Variants in COL23A1 observed in about 807,000 individuals in gnomAD.
The protein encoded by COL23A1 is collagen alpha-1(XXIII) chain.
In COL23A1, 97 loss-of-function variants were observed where a neutral mutation model predicts 99.3. The ratio of observed to expected loss-of-function variants is 0.98; its 90% CI spans 0.83 to 1.16. COL23A1 has a LOEUF of 1.16. Ranked by LOEUF, COL23A1 falls within the 50% of genes most tolerant of loss-of-function variation. The pLI, the probability that COL23A1 is intolerant of heterozygous loss-of-function variation, is 0.00. For synonymous variants in COL23A1, 320 were observed against 308.2 expected, an observed-to-expected ratio of 1.04 and a Z score of -0.40; for missense variants, 762 against 757.4, an observed-to-expected ratio of 1.01 and a Z score of -0.07.
At chr5:178,356,439 G>T (rs1761657443) in intron 2 of COL23A1, among the ~76,000 whole-genome samples, 1 of 152,130 alleles carries the variant, frequency 6.6e-6, no homozygotes, top group South Asian at 2.1e-4. Context: ...AAAAGAGGGG[G>T]CATTTGTTTG....
In COL23A1 at chr5:178,549,589, GC is replaced by G. The variant is rs1761895753; in HGVS notation, c.361+11092del. 2.0e-5 allele frequency among the ~76,000 whole-genome samples: 3 copies of G among 152,028 alleles called. No individual in the cohort carries two copies. In the South Asian group the frequency reaches 6.2e-4, roughly 32 times the overall value. On this transcript the variant is annotated intron_variant, in intron 2 of 28. Transcript: ENST00000390654. ...CCATCACTTTGGGAGGCTGAGGTGGGCAGATCACCTGAGGTCAGGAGTTTGA... is the reference window on the plus strand; with the variant it reads ...CCATCACTTTGGGAGGCTGAGGTGGGAGATCACCTGAGGTCAGGAGTTTGA...
At chr5:178,287,965 G>A (rs1047030097) in intron 5 of COL23A1, among the ~76,000 whole-genome samples, 8 of 152,222 alleles carry the variant, frequency 5.3e-5, no homozygotes, top group Non-Finnish European at 8.8e-5. Flanking sequence ...GAGGAGCGGT[G>A]GCTGGGACAG....
chr5:178,503,998 T>C (rs1758724952), intron 2 of COL23A1, among the ~76,000 whole-genome samples: 1 of 152,122 alleles, frequency 6.6e-6, no homozygotes, highest in Non-Finnish European at 1.5e-5. Flanking sequence ...TTGGACACTA[T>C]CTTTTGTATG....
intron 2 of COL23A1, among the ~76,000 whole-genome samples, chr5:178,416,327 T>TGGCC (rs1419083937): frequency 2.0e-5 from 3 of 152,324 alleles, no homozygotes; most frequent in East Asian, 3.9e-4. Flanking sequence ...GCCCTGCAGC[T>TGGCC]GGCCTGCCTC....
Position 178,439,202 on chromosome 5 carries a change from T to C in COL23A1, c.361+121480A>G, listed in dbSNP as rs1411185807. On this transcript the variant is annotated intron_variant, in intron 2 of 28. Transcript: ENST00000390654. This position sits in a 1 kb window ranked among gnomAD's most constrained non-coding sequence, Gnocchi z 4.2. ...TGGGAACCTTCTGAAGGGATGTGAC[T>C]GCTGATCTGGCCATGCATGATGCAT... 6.6e-6 allele frequency: 1 copy of C among 152,208 alleles called. No individual in the cohort carries two copies. The allele number at this position is 152,208 out of a possible 1,614,324, so 9.4% of individuals were successfully genotyped here.
intron 5 of COL23A1, among the ~76,000 whole-genome samples, chr5:178,282,089 C>T (rs1242594938): frequency 7.1e-6 from 1 of 141,276 alleles, no homozygotes; most frequent in African/African-American, 2.6e-5. Context: ...TGCCATATTG[C>T]CCAGGCTGAG....
chr5:178,276,767 G>C (rs1756606941), intron 5 of COL23A1, among the ~76,000 whole-genome samples: 1 of 152,210 alleles, frequency 6.6e-6, no homozygotes, highest in Non-Finnish European at 1.5e-5. Flanking sequence ...CTCAAAGTTA[G>C]GTTCAGCCCA....
At chr5:178,391,917 C>A (rs573682472) in intron 2 of COL23A1, among the ~76,000 whole-genome samples, 8 of 152,094 alleles carry the variant, frequency 5.3e-5, no homozygotes, top group African/African-American at 1.9e-4. Context: ...AGTACTGACA[C>A]CGGGATGAAC....
intron 2 of COL23A1, among the ~76,000 whole-genome samples, chr5:178,426,899 A>G (rs1444796779): frequency 1.3e-5 from 2 of 152,220 alleles, no homozygotes; most frequent in Non-Finnish European, 2.9e-5. Context: ...GGAAGTGCAG[A>G]TCCAAAATAA....
chr5:178,463,601 C>T (rs1168184860), intron 2 of COL23A1, among the ~76,000 whole-genome samples: 1 of 152,170 alleles, frequency 6.6e-6, no homozygotes, highest in Non-Finnish European at 1.5e-5. Flanking sequence ...CTCTGCTTTG[C>T]CGATGAGGAT....
chr5:178,453,885 T>C (rs1323841357), intron 2 of COL23A1, among the ~76,000 whole-genome samples: 1 of 152,194 alleles, frequency 6.6e-6, no homozygotes, highest in Non-Finnish European at 1.5e-5. Flanking sequence ...AGACCAGAGA[T>C]ATTAACATAA....
In COL23A1 at chr5:178,504,928, G is replaced by GGC. The variant is rs575451260; in HGVS notation, c.361+55752_361+55753dup. Among the ~76,000 whole-genome samples the GGC allele has an allele frequency of 7.2e-5, 11 of 152,308 alleles. No homozygotes were observed. In the South Asian group the frequency reaches 2.3e-3, roughly 32 times the overall value. ...TCAAAGCACCTTAAAATGAGAGGCA[G>GGC]GCCTGACAACTACAAGATGGCCCCA... On this transcript the variant is annotated intron_variant, in intron 2 of 28. Coordinates refer to ENST00000390654, the MANE Select transcript of COL23A1 (RefSeq NM_173465.4).
chr5:178,282,487 T>C (rs557605992), intron 5 of COL23A1, among the ~76,000 whole-genome samples: 1 of 152,308 alleles, frequency 6.6e-6, no homozygotes, highest in Admixed American at 6.5e-5. Flanking sequence ...AAGCAGCCCA[T>C]CCTGGCCCCG....
intron 2 of COL23A1, among the ~76,000 whole-genome samples, chr5:178,368,771 G>C (rs1762634844): frequency 6.6e-6 from 1 of 152,246 alleles, no homozygotes; most frequent in Non-Finnish European, 1.5e-5. Context: ...ACCAGGTGCA[G>C]CTAGCACTGC....
intron 2 of COL23A1, among the ~76,000 whole-genome samples, chr5:178,523,161 T>TATATATATATAC (rs1396046819): frequency 3.3e-5 from 3 of 90,876 alleles, no homozygotes; most frequent in East Asian, 2.3e-4. Context: ...TATATATATA[T>TATATATATATAC]ACATATATAT....
Position 178,483,485 on chromosome 5 carries a change from T to G in COL23A1, c.361+77197A>C, listed in dbSNP as rs139177498. On this transcript the variant is annotated intron_variant, in intron 2 of 28. Coordinates refer to ENST00000390654, the MANE Select transcript of COL23A1 (RefSeq NM_173465.4). The stretch of plus-strand genomic sequence containing the variant: ...TCACATCTTCCCCTTCTCCTGGCTT[T>G]CCAGCACCCCAGCTGACTACAACTC... 1.5e-3 allele frequency among the ~76,000 whole-genome samples: 227 copies of G among 152,316 alleles called. 1 individual carries two copies. Among genetic ancestry groups the G allele is most frequent in the African/African-American group, 4.9e-3 (205 of 41,574 alleles).
intron 2 of COL23A1, among the ~76,000 whole-genome samples, chr5:178,419,831 C>A (rs889898929): frequency 6.6e-6 from 1 of 152,194 alleles, no homozygotes; most frequent in Admixed American, 6.5e-5. Flanking sequence ...CACTCATAGA[C>A]CGCTGAGTGT....
intron 14 of COL23A1, 40 bp downstream of exon 14, chr5:178,256,826 C>A: frequency 6.3e-7 from 1 of 1,586,994 alleles, no homozygotes; most frequent in Non-Finnish European, 8.6e-7. Context: ...GAGGTCTGAG[C>A]GGGGCCCGCA....
chr5:178,526,358 G>A lies in COL23A1; in HGVS notation c.361+34324C>T, dbSNP rs549345555. On this transcript the variant is annotated intron_variant, in intron 2 of 28. Transcript: ENST00000390654. ...CTCTCAGTTACAGTGACAGGCTCAC[G>A]GGACATGTAGCTGTGGCTGGACCAG... Among the ~76,000 whole-genome samples, 424 of 152,312 alleles carry A rather than the reference G, an allele frequency of 2.8e-3. 2 individuals are homozygous for A. The highest frequency in any genetic ancestry group is 9.6e-3 in the African/African-American group (398 of 41,580).
Sources: gnomAD v4.1 joint callset for allele counts (sites outside exome capture counted in the v4.1 genomes callset) on GRCh38, gnomAD v4.1.1 for gene constraint, Gnocchi (gnomAD v3.1) non-coding constraint, MANE v1.5 for transcripts, NCBI Gene and HGNC (gene_info 2026-07-23, HGNC 2026-07-21) for gene names.